The following LRRC1 variants were observed in gnomAD, a reference collection of about 807,000 sequenced individuals.
The protein encoded by LRRC1 is leucine-rich repeat-containing protein 1.
In LRRC1, 28 loss-of-function variants were observed where a neutral mutation model predicts 69.9. The observed-to-expected ratio is 0.40, with a 90% CI of 0.30 to 0.55. The LOEUF (loss-of-function observed/expected upper bound fraction) is 0.55. Ranked by LOEUF, LRRC1 falls within the 20% of genes least tolerant of loss-of-function variation. The pLI is 0.47. For missense variants in LRRC1, 498 were observed against 609.0 expected, an observed-to-expected ratio of 0.82 and a Z score of 1.92; for synonymous variants, 236 against 240.2, an observed-to-expected ratio of 0.98 and a Z score of 0.16.
At chr6:53,827,832 A>G (rs1410763250) in intron 1 of LRRC1, among the ~76,000 whole-genome samples, 1 of 152,152 alleles carries the variant, frequency 6.6e-6, no homozygotes, top group Admixed American at 6.5e-5. Flanking sequence ...TTGTGTTGCT[A>G]GTGTAAGATA....
chr6:53,804,906 A>G (rs1307618744), intron 1 of LRRC1, among the ~76,000 whole-genome samples: 1 of 152,244 alleles, frequency 6.6e-6, no homozygotes, highest in Admixed American at 6.5e-5. Context: ...GCTAAAGTCT[A>G]GAGAGGTAAA....
At chr6:53,886,403 A>G (rs1172954606) in intron 4 of LRRC1, among the ~76,000 whole-genome samples, 1 of 152,206 alleles carries the variant, frequency 6.6e-6, no homozygotes, top group Non-Finnish European at 1.5e-5. Flanking sequence ...TTATTTACCT[A>G]ATTTTTGGAG....
intron 1 of LRRC1, among the ~76,000 whole-genome samples, chr6:53,811,750 G>A (rs945159158): frequency 8.5e-5 from 13 of 152,216 alleles, no homozygotes; most frequent in Non-Finnish European, 1.6e-4. Context: ...TTTGCCTGGG[G>A]ACACTCAGCT....
intron 1 of LRRC1, among the ~76,000 whole-genome samples, chr6:53,803,627 CTAAAATAAGA>C (rs1764555530): frequency 1.3e-5 from 2 of 151,732 alleles, no homozygotes; most frequent in African/African-American, 4.8e-5. Context: ...CGTTGGACTC[CTAAAATAAGA>C]TGTAATATTT....
chr6:53,868,286 A>G (rs1330262816), intron 2 of LRRC1, among the ~76,000 whole-genome samples: 1 of 144,678 alleles, frequency 6.9e-6, no homozygotes, highest in East Asian at 2.0e-4. Flanking sequence ...CAGTGGCCTG[A>G]TCTTGGCTCA....
intron 3 of LRRC1, among the ~76,000 whole-genome samples, chr6:53,879,304 G>A (rs1276641505): frequency 1.3e-5 from 2 of 152,228 alleles, no homozygotes; most frequent in Non-Finnish European, 2.9e-5. Context: ...GTGCAGCACA[G>A]TGAAGTGTAC....
intron 1 of LRRC1, among the ~76,000 whole-genome samples, chr6:53,824,062 G>A (rs776158028): frequency 1.3e-5 from 2 of 151,424 alleles, no homozygotes; most frequent in East Asian, 1.9e-4. Flanking sequence ...TTGAGGAATC[G>A]CCATACTCTT....
At chr6:53,804,021 G>A (rs1764566830) in intron 1 of LRRC1, among the ~76,000 whole-genome samples, 1 of 152,200 alleles carries the variant, frequency 6.6e-6, no homozygotes, top group South Asian at 2.1e-4. Context: ...ATGTGATGTG[G>A]GCTCTGACTG....
intron 4 of LRRC1, among the ~76,000 whole-genome samples, chr6:53,885,333 G>A (rs1767438450): frequency 6.6e-6 from 1 of 152,224 alleles, no homozygotes; most frequent in Non-Finnish European, 1.5e-5. Context: ...ATTCATTTCT[G>A]AAAGGATTCC....
intron 2 of LRRC1, among the ~76,000 whole-genome samples, chr6:53,845,553 G>C (rs947355315): frequency 3.9e-5 from 6 of 152,234 alleles, no homozygotes; most frequent in African/African-American, 1.4e-4. Context: ...ATCAGAAGCT[G>C]TTCCTTTGGG....
At chr6:53,893,127 T>C (rs1433234904) in intron 4 of LRRC1, among the ~76,000 whole-genome samples, 1 of 152,178 alleles carries the variant, frequency 6.6e-6, no homozygotes, top group Non-Finnish European at 1.5e-5. Flanking sequence ...GGCACACACA[T>C]TTGTAAGGTA....
chr6:53,803,542 C>A (rs771382332), intron 1 of LRRC1, among the ~76,000 whole-genome samples: 3 of 151,978 alleles, frequency 2.0e-5, no homozygotes, highest in African/African-American at 4.8e-5. Context: ...TGGTAATTTA[C>A]TATTGCATGT....
chr6:53,835,853 T>A (rs1014185841), intron 1 of LRRC1, among the ~76,000 whole-genome samples: 5 of 152,182 alleles, frequency 3.3e-5, no homozygotes, highest in African/African-American at 1.2e-4. Context: ...AATCTACCAA[T>A]TTTTTCCCAC....
In LRRC1 at chr6:53,891,999, AAT is replaced by A. The variant is rs1554185480; in HGVS notation, c.447-4487_447-4486del. ...AGAGTAAGATTCTGTCTAAAAAAAAAATATATATATATACACACACACACACA... is the reference window on the plus strand; with the variant it reads ...AGAGTAAGATTCTGTCTAAAAAAAAAATATATATATACACACACACACACA... On this transcript the variant is annotated intron_variant, in intron 4 of 13. Coordinates refer to ENST00000370888, the MANE Select transcript of LRRC1 (RefSeq NM_018214.5). 1.2e-3 allele frequency among the ~76,000 whole-genome samples: 158 copies of A among 133,720 alleles called. 3 individuals carry two copies. Among genetic ancestry groups the A allele is most frequent in the African/African-American group, 4.2e-3 (146 of 34,506 alleles). 87.7% of individuals were successfully genotyped at this position (133,720 alleles called of 152,430 possible).
chr6:53,904,079 G>A (rs1768153623), intron 9 of LRRC1, among the ~76,000 whole-genome samples: 2 of 152,222 alleles, frequency 1.3e-5, no homozygotes, highest in South Asian at 4.1e-4. Context: ...TCTTGAGGGT[G>A]CAAATTCTCA....
At chr6:53,804,552 A>C (rs949206906) in intron 1 of LRRC1, among the ~76,000 whole-genome samples, 3 of 152,230 alleles carry the variant, frequency 2.0e-5, no homozygotes, top group Non-Finnish European at 4.4e-5. Flanking sequence ...GACATTTTTC[A>C]TATCGATGTA....
chr6:53,918,126 A>G (rs1419125676), intron 11 of LRRC1, among the ~76,000 whole-genome samples: 1 of 152,194 alleles, frequency 6.6e-6, no homozygotes, highest in African/African-American at 2.4e-5. Flanking sequence ...AAAAATATGT[A>G]TTTCTCACCT....
At chr6:53,860,122 A>T (rs553753517) in intron 2 of LRRC1, among the ~76,000 whole-genome samples, 2 of 152,366 alleles carry the variant, frequency 1.3e-5, no homozygotes, top group African/African-American at 4.8e-5. Flanking sequence ...AGTGAGATTC[A>T]GCTGAAACAC....
chr6:53,825,156 T>G (rs1765222089), intron 1 of LRRC1, among the ~76,000 whole-genome samples: 1 of 152,180 alleles, frequency 6.6e-6, no homozygotes, highest in South Asian at 2.1e-4. Context: ...AAACCATGCA[T>G]GGGGAGAGAT....
Sources: allele counts gnomAD v4.1 joint callset (sites outside exome capture counted in the v4.1 genomes callset), GRCh38; gene constraint gnomAD v4.1.1; transcripts MANE v1.5; gene names NCBI Gene and HGNC (gene_info 2026-07-23, HGNC 2026-07-21).